OOSP3: variants seen among roughly 807,000 people sequenced by gnomAD.
OOSP3 encodes oocyte secreted protein family member 3, also known as oocyte-secreted protein 3.
intron 2 of OOSP3, among the ~76,000 whole-genome samples, chr11:59,890,884 G>C (rs1476464055): frequency 1.3e-5 from 2 of 152,154 alleles, no homozygotes; most frequent in African/African-American, 4.8e-5. Context: ...TCCAAACTTG[G>C]TTCCATCTTC....
At chr11:59,891,432 A>C (rs1853311530) in intron 2 of OOSP3, among the ~76,000 whole-genome samples, 1 of 152,010 alleles carries the variant, frequency 6.6e-6, no homozygotes, top group Non-Finnish European at 1.5e-5. Context: ...TTGACCTTTG[A>C]GGCTGTTGAC....
chr11:59,890,054 C>G (rs947558102), intron 2 of OOSP3, among the ~76,000 whole-genome samples: 1 of 151,862 alleles, frequency 6.6e-6, no homozygotes, highest in Non-Finnish European at 1.5e-5. Context: ...CTTTTTTGAC[C>G]TTTGTTGGTT....
intron 2 of OOSP3, among the ~76,000 whole-genome samples, chr11:59,881,210 A>G (rs1421670685): frequency 6.6e-6 from 1 of 152,066 alleles, no homozygotes; most frequent in Non-Finnish European, 1.5e-5. Flanking sequence ...AAATATATAA[A>G]AAATTAGCCA....
At chr11:59,890,906 T>TA (rs759731086) in intron 2 of OOSP3, among the ~76,000 whole-genome samples, 2 of 152,158 alleles carry the variant, frequency 1.3e-5, no homozygotes, top group Non-Finnish European at 2.9e-5. Flanking sequence ...CTGTCTCAGG[T>TA]ACTCCAATCA....
Position 59,895,661 on chromosome 11 carries a change from C to A in OOSP3, c.501+9C>A. On this transcript the variant is annotated intron_variant, in intron 4 of 4. Transcript: ENST00000646438. ...ATTTTCAAAACTCCTCGGTGAGGATCCTTAGAAGAGACAAAACATGGCAGT... is the reference window on the plus strand; with the variant it reads ...ATTTTCAAAACTCCTCGGTGAGGATACTTAGAAGAGACAAAACATGGCAGT... The A allele has an allele frequency of 2.5e-6, 1 of 398,332 alleles. No individual in the cohort carries two copies. The highest frequency in any genetic ancestry group is 1.3e-4 in the South Asian group (1 of 7,844). 24.7% of individuals were successfully genotyped at this position (398,332 alleles called of 1,614,324 possible). A position where few individuals can be genotyped will look rare whatever the true frequency, so the allele number is the denominator to read the frequency against.
intron 2 of OOSP3, among the ~76,000 whole-genome samples, chr11:59,891,092 T>C (rs898486359): frequency 2.6e-5 from 4 of 152,238 alleles, no homozygotes; most frequent in African/African-American, 4.8e-5. Context: ...GTTTGCATCA[T>C]AAAGTTCTTG....
chr11:59,891,251 C>A (rs1777186025), intron 2 of OOSP3, among the ~76,000 whole-genome samples: 1 of 152,148 alleles, frequency 6.6e-6, no homozygotes, highest in East Asian at 1.9e-4. Flanking sequence ...TTCATTATTA[C>A]CCACTTTCTG....
At chr11:59,893,261 A>G (rs978292607) in intron 2 of OOSP3, among the ~76,000 whole-genome samples, 1 of 152,228 alleles carries the variant, frequency 6.6e-6, no homozygotes, top group Non-Finnish European at 1.5e-5. Flanking sequence ...TCAATAAGAC[A>G]TTTTTGTAAA....
In OOSP3 at chr11:59,878,896, T is replaced by C. The variant is rs1853176881; in HGVS notation, c.73+15T>C. 5.0e-6 allele frequency: 2 copies of C among 398,414 alleles called. No homozygotes were observed. Among genetic ancestry groups the C allele is most frequent in the South Asian group, 1.3e-4 (1 of 7,860 alleles). 24.7% of individuals were successfully genotyped at this position (398,414 alleles called of 1,614,324 possible). A position where few individuals can be genotyped will look rare whatever the true frequency, so the allele number is the denominator to read the frequency against. On this transcript the variant is annotated intron_variant, in intron 1 of 4. Transcript: ENST00000646438. ...GCAAGAGTCAGGTACAAGTGACCTTTATATTTTGTTGTTTGAAGTCATAGT... is the reference window on the plus strand; with the variant it reads ...GCAAGAGTCAGGTACAAGTGACCTTCATATTTTGTTGTTTGAAGTCATAGT...
At chr11:59,891,265 C>T (rs948036391) in intron 2 of OOSP3, among the ~76,000 whole-genome samples, 2 of 152,172 alleles carry the variant, frequency 1.3e-5, no homozygotes, top group Admixed American at 1.3e-4. Flanking sequence ...CTTTCTGAAG[C>T]CTACTTCTGT....
intron 2 of OOSP3, among the ~76,000 whole-genome samples, chr11:59,893,531 A>G (rs1323560893): frequency 6.6e-6 from 1 of 151,866 alleles, no homozygotes; most frequent in Non-Finnish European, 1.5e-5. Flanking sequence ...TTGTTTTTTG[A>G]TTTTTAGTAG....
chr11:59,879,058 A>C (rs1197355561), intron 1 of OOSP3, among the ~76,000 whole-genome samples, 177 bp downstream of exon 1: 1 of 152,156 alleles, frequency 6.6e-6, no homozygotes, highest in Non-Finnish European at 1.5e-5. Context: ...TGATTTATCT[A>C]GTTTATCCTA....
intron 2 of OOSP3, among the ~76,000 whole-genome samples, chr11:59,882,440 CAT>C (rs531409650): frequency 6.7e-4 from 102 of 152,272 alleles, no homozygotes; most frequent in African/African-American, 2.3e-3. Context: ...CACATATTCA[CAT>C]GAGTATTTTG....
At position 59,887,770 on chromosome 11, in the gene OOSP3, G is replaced by T. The variant is rs62442132; in HGVS notation, c.253-6309G>T. Among the ~76,000 whole-genome samples the T allele has an allele frequency of 9.5e-3, 1,441 of 152,148 alleles. 13 individuals carry two copies. Among genetic ancestry groups the T allele is most frequent in the African/African-American group, 0.033 (1,356 of 41,496 alleles). On this transcript the variant is annotated intron_variant, in intron 2 of 4. Coordinates refer to ENST00000646438, the Ensembl canonical transcript of OOSP3. ...TGTTCTTTTTGTTTAGGATTGTCCT[G>T]GCTGTACAAGCTCTTTTTCGGTTCC...
At chr11:59,884,114 A>G (rs1853227065) in intron 2 of OOSP3, among the ~76,000 whole-genome samples, 1 of 152,226 alleles carries the variant, frequency 6.6e-6, no homozygotes, top group South Asian at 2.1e-4. Context: ...TGGCTTAAAT[A>G]ACAGACAGCA....
intron 2 of OOSP3, among the ~76,000 whole-genome samples, chr11:59,885,606 T>C (rs1853248184): frequency 6.6e-6 from 1 of 152,194 alleles, no homozygotes; most frequent in Non-Finnish European, 1.5e-5. Flanking sequence ...TTGTGGAGGA[T>C]AATGGCTTCC....
chr11:59,893,916 A>G (rs1032417515), intron 2 of OOSP3, among the ~76,000 whole-genome samples, 163 bp from the exon 3 acceptor site: 1 of 152,126 alleles, frequency 6.6e-6, no homozygotes, highest in South Asian at 2.1e-4. Flanking sequence ...GTGTTTTTTT[A>G]AAATTTTTCT....
Position 59,887,118 on chromosome 11 carries a change from T to TTA in OOSP3, c.252+6680_252+6681insAT, listed in dbSNP as rs1455472483. Among the ~76,000 whole-genome samples the TTA allele has an allele frequency of 4.9e-4, 73 of 150,402 alleles. No homozygotes were observed. In the South Asian group the frequency reaches 0.014, roughly 29 times the overall value. On this transcript the variant is annotated intron_variant, in intron 2 of 4. Transcript: ENST00000646438. The stretch of plus-strand genomic sequence containing the variant: ...TTGCCCACTTTTTAATGGTTTTTTT[T>TTA]TTGTTGTTTTTTTTTTTGTAAACTT...
intron 2 of OOSP3, among the ~76,000 whole-genome samples, chr11:59,885,792 G>T (rs937710270): frequency 1.3e-5 from 2 of 152,066 alleles, no homozygotes; most frequent in African/African-American, 4.8e-5. Flanking sequence ...TTCTTTTTGT[G>T]ATGTCTTTGG....
Sources: allele counts gnomAD v4.1 joint callset (sites outside exome capture counted in the v4.1 genomes callset), GRCh38; gene constraint gnomAD v4.1.1; transcripts MANE v1.5; gene names NCBI Gene and HGNC (gene_info 2026-07-23, HGNC 2026-07-21).